Variants in NOS3 observed in about 807,000 individuals in gnomAD.
NOS3 encodes the protein nitric oxide synthase 3, also known as NOS type III.
A neutral mutation model predicts 144.9 loss-of-function variants in NOS3; 98 were observed. The ratio of observed to expected loss-of-function variants is 0.68; its 90% CI spans 0.57 to 0.80. NOS3 has a LOEUF of 0.80. Among genes scored for constraint, NOS3 ranks in the 30% least tolerant of loss-of-function variants. The pLI is 0.00. For missense variants in NOS3, 1,465 were observed against 1,656.4 expected, an observed-to-expected ratio of 0.88 and a Z score of 2.01; for synonymous variants, 714 against 702.4, an observed-to-expected ratio of 1.02 and a Z score of -0.26.
At position 151,014,248 on chromosome 7, in the gene NOS3, C is replaced by T. The variant is rs1328510902; in HGVS notation, c.*79C>T. On this transcript the variant is annotated 3_prime_UTR_variant, in exon 27 of 27. Transcript: ENST00000297494. ...CCGCCCGACCAGGATCAGCCCCGCT[C>T]CTCCCCTCTTGAGGTGGTGCCTTCT... 4 of 1,401,052 alleles carry T rather than the reference C, an allele frequency of 2.9e-6. No individual in the cohort carries two copies. The highest frequency in any genetic ancestry group is 3.9e-6 in the Non-Finnish European group (4 of 1,037,394). The allele number at this position is 1,401,052 out of a possible 1,614,324, so 86.8% of individuals were successfully genotyped here.
rs1331591723 is a variant in NOS3, at chr7:150,993,886, AGCAGGG to A, written c.84_89del (p.Lys28_Gly30delinsAsn). 2.5e-6 allele frequency: 4 copies of A among 1,600,210 alleles called. No homozygotes were observed. The highest frequency in any genetic ancestry group is 3.4e-6 in the Non-Finnish European group (4 of 1,174,872). On this transcript the variant is annotated inframe_deletion, in exon 2 of 27. Transcript: ENST00000297494. This position sits in a 1 kb window ranked among gnomAD's most constrained non-coding sequence, Gnocchi z 4.0. ...GGGCTGGGCCTTGGGCTGTGCGGCA[AGCAGGG>A]CCCAGCCACCCCGGCCCCTGAGCCC...
intron 2 of NOS3, 125 bp downstream of exon 2, chr7:150,994,086 T>C (rs1293292742): frequency 2.0e-6 from 2 of 1,009,080 alleles, no homozygotes; most frequent in Non-Finnish European, 2.9e-6. Flanking sequence ...GCAAAAGGGC[T>C]ATTAATGTGC....
At chr7:150,997,011 TG>T in intron 5 of NOS3, 86 bp downstream of exon 5, 1 of 1,429,108 alleles carries the variant, frequency 7.0e-7, no homozygotes, top group Non-Finnish European at 9.4e-7. Context: ...TCCCGGGGGC[TG>T]GGAGGTCCCA....
intron 21 of NOS3, 53 bp from the exon 22 acceptor site, chr7:151,010,544 G>C (rs899195123): frequency 6.8e-7 from 1 of 1,473,922 alleles, no homozygotes; most frequent in Non-Finnish European, 9.1e-7. Flanking sequence ...CAAGAAGGGA[G>C]GTTACTAGGA....
intron 15 of NOS3, 44 bp from the exon 16 acceptor site, chr7:151,006,845 C>A (rs534395469): frequency 6.7e-7 from 1 of 1,486,434 alleles, no homozygotes; most frequent in Non-Finnish European, 9.4e-7. Flanking sequence ...TAGCCTGTAT[C>A]CCCAGGGCCC....
At position 151,014,105 on chromosome 7, in the gene NOS3, G is replaced by A. The variant is rs1795383812; in HGVS notation, c.3548G>A (p.Arg1183His). 1 of 1,613,616 alleles carries A rather than the reference G, an allele frequency of 6.2e-7. No individual in the cohort carries two copies. The highest frequency in any genetic ancestry group is 8.5e-7 in the Non-Finnish European group (1 of 1,179,792). Reference sequence around the variant, plus strand: ...ACCCAGAGCTTTTCCTTGCAGGAGCGTCAGTTGCGGGGCGCAGTGCCCTGG... The same window carrying A: ...ACCCAGAGCTTTTCCTTGCAGGAGCATCAGTTGCGGGGCGCAGTGCCCTGG... ...IRTQSFSLQERQLRGAVPWAF... is the reference protein window; with the variant it reads ...IRTQSFSLQEHQLRGAVPWAF... Residue 1183 changes from arginine to histidine, a missense_variant, in exon 27 of 27, where the codon CGT becomes CAT. Coordinates refer to ENST00000297494, the MANE Select transcript of NOS3 (RefSeq NM_000603.5).
Position 151,007,245 on chromosome 7 carries a change from C to T in NOS3, c.2081C>T (p.Ala694Val), listed in dbSNP as rs1390448535. 1 of 1,605,102 alleles carries T rather than the reference C, an allele frequency of 6.2e-7. No homozygotes were observed. Residue 694 changes from alanine to valine, a missense_variant, in exon 17 of 27, where the codon GCC becomes GTC. Coordinates refer to ENST00000297494, the MANE Select transcript of NOS3 (RefSeq NM_000603.5). The part of the protein sequence containing the change: ...QGDELCGQEE[A>V]FRGWAQAAFQ... ...GACGAGCTGTGCGGCCAGGAGGAGGCCTTCCGAGGCTGGGCCCAGGCTGCC... is the reference window on the plus strand; with the variant it reads ...GACGAGCTGTGCGGCCAGGAGGAGGTCTTCCGAGGCTGGGCCCAGGCTGCC...
Position 151,013,501 on chromosome 7 carries a change from C to T in NOS3, c.3255+122C>T, listed in dbSNP as rs1795354883. On this transcript the variant is annotated intron_variant, in intron 25 of 26. Transcript: ENST00000297494. The stretch of plus-strand genomic sequence containing the variant: ...GGCCTCCCACGACCACTCAGCCACC[C>T]CTGCACACTCTGGCCCACCCTTGTG... The T allele has an allele frequency of 3.1e-6, 4 of 1,295,916 alleles. No homozygotes were observed. In the Admixed American group the frequency reaches 9.7e-5, roughly 31 times the overall value. 80.3% of individuals were successfully genotyped at this position (1,295,916 alleles called of 1,614,324 possible).
rs749040665 is a variant in NOS3 at position 151,010,604 on chromosome 7, G to A, written c.2693G>A (p.Arg898Gln). Reference sequence around the variant, plus strand: ...TGCATCCTGCCCCGCCAGGATCCCCGACGCTACGAGGAGTGGAAGTGGTTC... The same window carrying A: ...TGCATCCTGCCCCGCCAGGATCCCCAACGCTACGAGGAGTGGAAGTGGTTC... Reference protein sequence around the residue: ...QELEALSQDPRRYEEWKWFRC... With the variant: ...QELEALSQDPQRYEEWKWFRC... The change falls in exon 22 of 27, where the codon CGA (arginine) becomes CAA (glutamine). Residue 898 changes from arginine (R) to glutamine (Q), a missense_variant. Transcript: ENST00000297494. 44 of 1,589,482 alleles carry A rather than the reference G, an allele frequency of 2.8e-5. No homozygotes were observed. The East Asian group carries it at 6.4e-4, about 23-fold the overall frequency.
intron 4 of NOS3, 101 bp from the exon 5 acceptor site, chr7:150,996,662 C>A (rs1250685338): frequency 2.7e-6 from 4 of 1,470,636 alleles, no homozygotes; most frequent in Non-Finnish European, 3.7e-6. Context: ...ACCACGTGGG[C>A]CCCTCCCGCC....
intron 1 of NOS3, among the ~76,000 whole-genome samples, chr7:150,991,672 A>G (rs891778569): frequency 6.6e-6 from 1 of 152,168 alleles, no homozygotes; most frequent in African/African-American, 2.4e-5. Context: ...TCAGGTGGCC[A>G]CAGGGACGGG....
chr7:151,014,118 C>T lies in NOS3; in HGVS notation c.3561C>T (p.Gly1187=), dbSNP rs761225044. ...SFSLQERQLR[G]AVPWAFDPPG... is the part of the protein sequence containing the mutation. ...CCTTGCAGGAGCGTCAGTTGCGGGG[C>T]GCAGTGCCCTGGGCGTTCGACCCTC... The change falls in exon 27 of 27, where the codon GGC becomes GGT. Residue 1187 remains glycine (G), a synonymous_variant. Coordinates refer to ENST00000297494, the MANE Select transcript of NOS3 (RefSeq NM_000603.5). The T allele has an allele frequency of 3.7e-6, 6 of 1,613,404 alleles. No individual in the cohort carries two copies. The Admixed American group carries it at 1.0e-4, about 27-fold the overall frequency.
chr7:150,993,704 G>A lies in NOS3; in HGVS notation c.-51-49G>A. ...GGGCGGGGCGAGGGCCAGCACTGGA[G>A]AGCCCCCTCCCACTGCCCCCTCCTC... On this transcript the variant is annotated intron_variant, in intron 1 of 26. Transcript: ENST00000297494. The surrounding 1 kb of genome is among the most constrained non-coding windows in gnomAD (Gnocchi z 4.0). 1.6e-6 allele frequency: 2 copies of A among 1,240,832 alleles called. No individual in the cohort carries two copies. Among genetic ancestry groups the A allele is most frequent in the Non-Finnish European group, 2.2e-6 (2 of 898,122 alleles). The allele number at this position is 1,240,832 out of a possible 1,614,324, so 76.9% of individuals were successfully genotyped here. A position where few individuals can be genotyped will look rare whatever the true frequency, so the allele number is the denominator to read the frequency against.
chr7:151,012,667 C>T, intron 24 of NOS3, 195 bp downstream of exon 24: 1 of 578,860 alleles, frequency 1.7e-6, no homozygotes, highest in East Asian at 2.9e-5. Flanking sequence ...CTTCCTGGTG[C>T]CTGGTACATA....
At chr7:151,010,405 T>C in intron 21 of NOS3, 118 bp downstream of exon 21, 1 of 1,081,734 alleles carries the variant, frequency 9.2e-7, no homozygotes, top group Non-Finnish European at 1.3e-6. Flanking sequence ...CTGGCCGACA[T>C]GCACTGGTGC....
rs1283555747 is a variant in NOS3 at position 151,001,403 on chromosome 7, T to A, written c.1406T>A (p.Leu469Gln). The A allele has an allele frequency of 6.3e-7, 1 of 1,593,596 alleles. No homozygotes were observed. The highest frequency in any genetic ancestry group is 2.2e-5 in the East Asian group (1 of 44,624). Reference protein sequence around the residue: ...VFHQEMVNYFLSPAFRYQPDP... With the variant: ...VFHQEMVNYFQSPAFRYQPDP... ...CATCAGGAGATGGTCAACTATTTCCTGTCCCCGGCCTTCCGCTACCAGGTG... is the reference window on the plus strand; with the variant it reads ...CATCAGGAGATGGTCAACTATTTCCAGTCCCCGGCCTTCCGCTACCAGGTG... Residue 469 changes from leucine (L) to glutamine (Q), a missense_variant, in exon 11 of 27, where the codon CTG (leucine) becomes CAG (glutamine). Coordinates refer to ENST00000297494, the MANE Select transcript of NOS3 (RefSeq NM_000603.5).
In NOS3 at chr7:151,008,735, G is replaced by C. The variant is rs150147456; in HGVS notation, c.2113-195G>C. The C allele has an allele frequency of 2.0e-3, 1,186 of 588,128 alleles. 5 individuals carry two copies. Among genetic ancestry groups the C allele is most frequent in the Middle Eastern group, 0.011 (25 of 2,196 alleles). 36.4% of individuals were successfully genotyped at this position (588,128 alleles called of 1,614,324 possible). On this transcript the variant is annotated intron_variant, in intron 17 of 26. Coordinates refer to ENST00000297494, the MANE Select transcript of NOS3 (RefSeq NM_000603.5). Reference sequence around the variant, plus strand: ...GCACCAATCAGGACGTGCAGAGAAAGAGCCAGCCGGGTCCCTGGGCCCAGC... The same window carrying C: ...GCACCAATCAGGACGTGCAGAGAAACAGCCAGCCGGGTCCCTGGGCCCAGC...
At chr7:150,997,614 C>A (rs1294792353) in intron 5 of NOS3, among the ~76,000 whole-genome samples, 2 of 152,198 alleles carry the variant, frequency 1.3e-5, no homozygotes, top group African/African-American at 4.8e-5. Flanking sequence ...CATCACTGGC[C>A]GCCAAAGAGT....
In NOS3 at chr7:150,999,100, G is replaced by T; in HGVS notation, c.956+15G>T. ...GAGCACCCCACGTGAGCACCAAAGG[G>T]ATTGACTGGGTGGGATGGAGGGGGC... is the stretch of plus-strand genomic sequence containing the variant. On this transcript the variant is annotated intron_variant, in intron 8 of 26. Coordinates refer to ENST00000297494, the MANE Select transcript of NOS3 (RefSeq NM_000603.5). The T allele has an allele frequency of 6.2e-7, 1 of 1,612,670 alleles. No individual in the cohort carries two copies. Among genetic ancestry groups the T allele is most frequent in the Non-Finnish European group, 8.5e-7 (1 of 1,179,916 alleles).
Sources: allele counts gnomAD v4.1 joint callset (sites outside exome capture counted in the v4.1 genomes callset), GRCh38; gene constraint gnomAD v4.1.1; non-coding constraint Gnocchi (gnomAD v3.1); transcripts MANE v1.5; gene names NCBI Gene and HGNC (gene_info 2026-07-23, HGNC 2026-07-21).